PAPPA2: variants seen among roughly 807,000 people sequenced by gnomAD.
PAPPA2 encodes pappalysin-2.
Under a neutral mutation model 176.4 loss-of-function variants are expected in PAPPA2, and 86 were observed. The observed-to-expected ratio is 0.49, with a 90% confidence interval of 0.41 to 0.58. PAPPA2 has a LOEUF of 0.58. PAPPA2 is among the 20% of genes least tolerant of loss of function. PAPPA2 has a pLI of 0.00. For missense variants in PAPPA2, 2,073 were observed against 2,256.9 expected (o/e 0.92, Z 1.65); for synonymous variants, 809 against 852.2 (o/e 0.95, Z 0.88).
intron 14 of PAPPA2, among the ~76,000 whole-genome samples, chr1:176,753,352 C>T (rs1300310094): frequency 2.0e-5 from 3 of 152,128 alleles, no homozygotes; most frequent in Non-Finnish European, 4.4e-5. Flanking sequence ...TTATTTTTCC[C>T]TGGAACCCTC....
At chr1:176,607,532 G>A (rs1654683407) in intron 3 of PAPPA2, among the ~76,000 whole-genome samples, 1 of 152,150 alleles carries the variant, frequency 6.6e-6, no homozygotes, top group Non-Finnish European at 1.5e-5. Context: ...GCTGCAAATG[G>A]CAGATTTCAT....
intron 4 of PAPPA2, among the ~76,000 whole-genome samples, chr1:176,682,932 A>G (rs1659655589): frequency 6.6e-6 from 1 of 152,128 alleles, no homozygotes; most frequent in Non-Finnish European, 1.5e-5. Context: ...ATGGGCATAT[A>G]ATATTCAGCC....
At chr1:176,630,032 C>T in intron 3 of PAPPA2, among the ~76,000 whole-genome samples, 1 of 152,116 alleles carries the variant, frequency 6.6e-6, no homozygotes, top group East Asian at 1.9e-4. Flanking sequence ...GCACTCCAGC[C>T]TGGGGGACAA....
At chr1:176,800,536 T>C (rs1023798835) in intron 21 of PAPPA2, among the ~76,000 whole-genome samples, 4 of 152,302 alleles carry the variant, frequency 2.6e-5, no homozygotes, top group Admixed American at 2.6e-4. Flanking sequence ...GTTTAAAAAT[T>C]AGGATTTTTA....
chr1:176,602,865 C>A (rs1290521054), intron 3 of PAPPA2, among the ~76,000 whole-genome samples: 1 of 152,088 alleles, frequency 6.6e-6, no homozygotes, highest in Non-Finnish European at 1.5e-5. Flanking sequence ...ATAAGTTTAC[C>A]TACAAATAGA....
At chr1:176,644,664 A>G (rs935740192) in intron 3 of PAPPA2, among the ~76,000 whole-genome samples, 4 of 151,818 alleles carry the variant, frequency 2.6e-5, no homozygotes, top group African/African-American at 9.7e-5. Context: ...GGCTTTCCCC[A>G]GGTCACCAGC....
intron 4 of PAPPA2, among the ~76,000 whole-genome samples, chr1:176,675,773 C>T (rs994417235): frequency 1.3e-5 from 2 of 151,916 alleles, no homozygotes; most frequent in Non-Finnish European, 2.9e-5. Flanking sequence ...ACCACAGATT[C>T]TAGATATTTT....
At chr1:176,523,116 A>G (rs1186287608) in intron 1 of PAPPA2, among the ~76,000 whole-genome samples, 4 of 152,066 alleles carry the variant, frequency 2.6e-5, no homozygotes, top group African/African-American at 9.7e-5. Flanking sequence ...TTTCAGGGGC[A>G]CCTCAACCAA....
intron 21 of PAPPA2, among the ~76,000 whole-genome samples, chr1:176,839,077 A>T (rs183295226): frequency 2.6e-5 from 4 of 152,298 alleles, no homozygotes; most frequent in Non-Finnish European, 4.4e-5. Flanking sequence ...GGGGGAAGAG[A>T]AAGTGATTTG....
intron 2 of PAPPA2, among the ~76,000 whole-genome samples, chr1:176,592,997 A>G (rs1031757644): frequency 6.6e-6 from 1 of 152,206 alleles, no homozygotes; most frequent in East Asian, 1.9e-4. Context: ...CCAGTGTGAA[A>G]ACAATAACAA....
intron 12 of PAPPA2, among the ~76,000 whole-genome samples, chr1:176,714,048 C>T (rs1460523128): frequency 1.3e-5 from 2 of 152,106 alleles, no homozygotes; most frequent in African/African-American, 4.8e-5. Flanking sequence ...ATAATGGACC[C>T]GGGGCAGATA....
At chr1:176,642,929 A>G (rs1008169346) in intron 3 of PAPPA2, among the ~76,000 whole-genome samples, 23 of 151,936 alleles carry the variant, frequency 1.5e-4, no homozygotes, top group Non-Finnish European at 3.4e-4. Context: ...GTAGAAATTC[A>G]GTCACAAAAT....
At chr1:176,579,291 G>A (rs887643395) in intron 2 of PAPPA2, among the ~76,000 whole-genome samples, 5 of 152,198 alleles carry the variant, frequency 3.3e-5, no homozygotes, top group East Asian at 3.9e-4. Flanking sequence ...AGGAGGAAGT[G>A]GGGATTGAAG....
At position 176,789,922 on chromosome 1, in the gene PAPPA2, A is replaced by T. The variant is rs530995000; in HGVS notation, c.4829A>T (p.Asn1610Ile). 2 of 1,614,172 alleles carry T rather than the reference A, an allele frequency of 1.2e-6. No homozygotes were observed. The highest frequency in any genetic ancestry group is 1.7e-5 in the Admixed American group (1 of 60,028). ...TTTGAAGGCATGTATGAATGTACCA[A>T]TGGCTTCAGCCTGGACAGCCAGTGT... is the stretch of plus-strand genomic sequence containing the variant. ...PVFEGMYECTNGFSLDSQCVL... is the reference protein window; with the variant it reads ...PVFEGMYECTIGFSLDSQCVL... Residue 1610 changes from asparagine to isoleucine, a missense_variant, in exon 18 of 23, where the codon AAT becomes ATT. By Grantham distance (149) the Asn-to-Ile change is moderately radical. Around this residue, in one of 4 missense-constraint regions of PAPPA2, gnomAD observed 846 missense variants for 857.9 expected, o/e 0.99. Coordinates refer to ENST00000367662, the MANE Select transcript of PAPPA2 (RefSeq NM_020318.3).
intron 3 of PAPPA2, among the ~76,000 whole-genome samples, chr1:176,635,108 A>G (rs1489735496): frequency 6.6e-6 from 1 of 152,186 alleles, no homozygotes; most frequent in East Asian, 1.9e-4. Context: ...CTAAGAAGAC[A>G]TAGCTGACTT....
chr1:176,788,179 T>C (rs761144075), intron 17 of PAPPA2, among the ~76,000 whole-genome samples: 9 of 152,226 alleles, frequency 5.9e-5, no homozygotes, highest in Non-Finnish European at 1.0e-4. Context: ...AGTTCAATGA[T>C]TCAATTCAGC....
chr1:176,807,440 G>A (rs899295395), intron 21 of PAPPA2, among the ~76,000 whole-genome samples: 1 of 151,682 alleles, frequency 6.6e-6, no homozygotes, highest in African/African-American at 2.4e-5. Context: ...TAGAAAAAAA[G>A]AAGTTGAACA....
chr1:176,809,474 G>T (rs10913257), intron 21 of PAPPA2, among the ~76,000 whole-genome samples: 70,393 of 151,962 alleles, frequency 0.46, 16,618 homozygotes, highest in East Asian at 0.72. Flanking sequence ...CTTCTCTGTT[G>T]TCTTGGACCT....
In PAPPA2 at chr1:176,793,626, C is replaced by G; in HGVS notation, c.5087C>G (p.Thr1696Ser). ...CCCGTGATGCTACCTGAGAATATCACTGCTGACACTCTGGAGCACTGGATG... is the reference window on the plus strand; with the variant it reads ...CCCGTGATGCTACCTGAGAATATCAGTGCTGACACTCTGGAGCACTGGATG... ...SDPVMLPENITADTLEHWMEP... is the reference protein window; with the variant it reads ...SDPVMLPENISADTLEHWMEP... Residue 1696 changes from threonine to serine, a missense_variant, in exon 20 of 23, where the codon ACT becomes AGT. Coordinates refer to ENST00000367662, the MANE Select transcript of PAPPA2 (RefSeq NM_020318.3). 1 of 1,613,144 alleles carries G rather than the reference C, an allele frequency of 6.2e-7. No individual in the cohort carries two copies. Among genetic ancestry groups the G allele is most frequent in the Non-Finnish European group, 8.5e-7 (1 of 1,179,298 alleles).
Sources: gnomAD v4.1 joint callset for allele counts (sites outside exome capture counted in the v4.1 genomes callset) on GRCh38, gnomAD v4.1.1 for gene constraint, gnomAD v4.1.1 regional missense constraint, MANE v1.5 for transcripts, NCBI Gene and HGNC (gene_info 2026-07-23, HGNC 2026-07-21) for gene names.